CACNA1E: variants seen among roughly 807,000 people sequenced by gnomAD.
CACNA1E encodes the protein voltage-dependent R-type calcium channel subunit alpha-1E.
Under a neutral mutation model 259.2 loss-of-function variants are expected in CACNA1E, and 40 were observed. That is an observed-to-expected ratio of 0.15 (90% CI 0.12 to 0.20). The LOEUF (loss-of-function observed/expected upper bound fraction) is 0.20. Ranked by LOEUF, CACNA1E falls within the 10% of genes least tolerant of loss-of-function variation. CACNA1E has a pLI of 1.00. For missense variants in CACNA1E, 1,874 were observed against 3,040.1 expected (o/e 0.62, Z 9.02); for synonymous variants, 1,104 against 1,138.5 (o/e 0.97, Z 0.61).
chr1:181,385,742 T>G (rs539889777), intron 1 of CACNA1E, among the ~76,000 whole-genome samples: 19 of 151,914 alleles, frequency 1.3e-4, no homozygotes, highest in Non-Finnish European at 2.5e-4. Flanking sequence ...TTCCTTCCTT[T>G]CCTTCCTCTT....
At chr1:181,399,972 T>C (rs567184694) in intron 1 of CACNA1E, among the ~76,000 whole-genome samples, 4 of 152,230 alleles carry the variant, frequency 2.6e-5, no homozygotes, top group Middle Eastern at 3.2e-3. Flanking sequence ...AGTGGTAACC[T>C]TGAACATTTA....
chr1:181,553,288 A>G (rs1004744405), intron 3 of CACNA1E, among the ~76,000 whole-genome samples: 13 of 152,124 alleles, frequency 8.5e-5, no homozygotes, highest in Non-Finnish European at 1.5e-4. Context: ...TTCATTCATG[A>G]TTCGGCTCTC....
chr1:181,638,479 G>A (rs1027899426), intron 6 of CACNA1E, among the ~76,000 whole-genome samples: 2 of 152,094 alleles, frequency 1.3e-5, no homozygotes, highest in Non-Finnish European at 2.9e-5. Context: ...AGCTTCTTGA[G>A]GAGAGGCCCA....
intron 3 of CACNA1E, among the ~76,000 whole-genome samples, chr1:181,576,403 T>C (rs1374643450): frequency 6.6e-6 from 1 of 152,244 alleles, no homozygotes; most frequent in East Asian, 1.9e-4. Context: ...TTGTGTCAGT[T>C]ACCGCTTGCG....
At chr1:181,626,924 C>T (rs955992429) in intron 6 of CACNA1E, among the ~76,000 whole-genome samples, 4 of 152,042 alleles carry the variant, frequency 2.6e-5, no homozygotes, top group Non-Finnish European at 4.4e-5. Context: ...ATGCCCAGGG[C>T]GTAGGACTTC....
intron 7 of CACNA1E, among the ~76,000 whole-genome samples, chr1:181,685,035 T>G (rs1650374440): frequency 6.6e-6 from 1 of 152,094 alleles, no homozygotes; most frequent in South Asian, 2.1e-4. Context: ...CTCTGTAAGT[T>G]TTTCAAACTG....
chr1:181,323,783 A>T (rs112882963), intron 1 of CACNA1E, among the ~76,000 whole-genome samples: 266 of 152,332 alleles, frequency 1.7e-3, no homozygotes, highest in Middle Eastern at 0.01. Flanking sequence ...TTCCTTAGTG[A>T]GGGATTCATA....
chr1:181,635,105 C>T (rs1454123824), intron 6 of CACNA1E, among the ~76,000 whole-genome samples: 1 of 152,226 alleles, frequency 6.6e-6, no homozygotes, highest in Non-Finnish European at 1.5e-5. Context: ...CTTTCTTCTA[C>T]CTTTATGCTA....
chr1:181,603,776 G>T (rs1653964257), intron 6 of CACNA1E, among the ~76,000 whole-genome samples: 1 of 152,138 alleles, frequency 6.6e-6, no homozygotes, highest in African/African-American at 2.4e-5. Context: ...CTAATCTATA[G>T]TTCTCAGAGG....
intron 1 of CACNA1E, chr1:181,318,143 T>G (rs1454610733): frequency 6.6e-6 from 1 of 152,110 alleles, no homozygotes; most frequent in Non-Finnish European, 1.5e-5. Context: ...GGGTTTTTAC[T>G]GCCAGAGATG....
intron 3 of CACNA1E, among the ~76,000 whole-genome samples, chr1:181,577,091 C>T (rs934913163): frequency 3.3e-5 from 5 of 152,152 alleles, no homozygotes; most frequent in Admixed American, 6.5e-5. Context: ...AAGTTGTCTC[C>T]TTGGTGTACA....
At chr1:181,603,929 G>C (rs1025621717) in intron 6 of CACNA1E, among the ~76,000 whole-genome samples, 1 of 152,178 alleles carries the variant, frequency 6.6e-6, no homozygotes, top group Admixed American at 6.5e-5. Context: ...CTGCTCACTT[G>C]GTAGGAGAAG....
chr1:181,557,611 G>A (rs1648872551), intron 3 of CACNA1E, among the ~76,000 whole-genome samples: 1 of 152,306 alleles, frequency 6.6e-6, no homozygotes, highest in East Asian at 1.9e-4. Flanking sequence ...GCATCAGGCT[G>A]TGGCTGAGCC....
chr1:181,651,048 G>C lies in CACNA1E; in HGVS notation c.952-290G>C, dbSNP rs188661008. On this transcript the variant is annotated intron_variant, in intron 6 of 47. Transcript: ENST00000367573. ...CTATAAAACCAGTGGTTGTTTGCGT[G>C]ACCTTGGAAAAGTATCTGACCTTTC... 6.0e-3 allele frequency among the ~76,000 whole-genome samples: 912 copies of C among 152,332 alleles called. 37 individuals are homozygous for C. The highest frequency in any genetic ancestry group is 0.056 in the Admixed American group (863 of 15,298).
At chr1:181,655,400 A>T (rs1659125862) in intron 7 of CACNA1E, among the ~76,000 whole-genome samples, 1 of 152,210 alleles carries the variant, frequency 6.6e-6, no homozygotes, top group Admixed American at 6.5e-5. Flanking sequence ...AGAAATAGGA[A>T]TCAGGATAGC....
At chr1:181,607,174 T>C (rs1261162976) in intron 6 of CACNA1E, among the ~76,000 whole-genome samples, 1 of 152,138 alleles carries the variant, frequency 6.6e-6, no homozygotes, top group Non-Finnish European at 1.5e-5. Flanking sequence ...TCTCGAACAC[T>C]TTTGTGCCTA....
At chr1:181,764,268 G>A (rs1334934509) in intron 34 of CACNA1E, among the ~76,000 whole-genome samples, 1 of 152,066 alleles carries the variant, frequency 6.6e-6, no homozygotes, top group Non-Finnish European at 1.5e-5. Flanking sequence ...TAAATTAGTT[G>A]TTTTTAAGCT....
intron 1 of CACNA1E, among the ~76,000 whole-genome samples, chr1:181,494,520 T>G (rs1664584939): frequency 6.6e-6 from 1 of 152,206 alleles, no homozygotes; most frequent in African/African-American, 2.4e-5. Flanking sequence ...GCTCCAATGT[T>G]TATCCTGCAG....
chr1:181,504,739 G>A (rs1020674581), intron 1 of CACNA1E, among the ~76,000 whole-genome samples: 24 of 152,192 alleles, frequency 1.6e-4, no homozygotes, highest in African/African-American at 5.1e-4. Context: ...AGGCCACGTC[G>A]TGCTGCTCAA....
Sources: allele counts gnomAD v4.1 joint callset (sites outside exome capture counted in the v4.1 genomes callset), GRCh38; gene constraint gnomAD v4.1.1; transcripts MANE v1.5; gene names NCBI Gene and HGNC (gene_info 2026-07-23, HGNC 2026-07-21).